Variants in ANKRD11 observed in about 807,000 individuals in gnomAD.
ANKRD11 encodes the protein ankyrin repeat domain 11.
A neutral mutation model predicts 195.7 loss-of-function variants in ANKRD11; 17 were observed. That is an observed-to-expected ratio of 0.09 (90% CI 0.06 to 0.13). ANKRD11 has a LOEUF of 0.13. ANKRD11 is among the 10% of genes least tolerant of loss of function. ANKRD11 has a pLI of 1.00. For missense variants in ANKRD11, 3,735 were observed against 3,566.1 expected, an observed-to-expected ratio of 1.05 and a Z score of -1.21; for synonymous variants, 1,953 against 1,528.1, an observed-to-expected ratio of 1.28 and a Z score of -6.49.
At chr16:89,471,898 CCCA>C (rs2057098254) in intron 1 of ANKRD11, among the ~76,000 whole-genome samples, 1 of 152,058 alleles carries the variant, frequency 6.6e-6, no homozygotes, top group Non-Finnish European at 1.5e-5. Context: ...TCCTTACTCC[CCCA>C]GTTACCAGGT....
chr16:89,436,447 C>G (rs1453830152), intron 1 of ANKRD11, among the ~76,000 whole-genome samples: 2 of 152,072 alleles, frequency 1.3e-5, no homozygotes, highest in East Asian at 1.9e-4. Context: ...TTTCTCCTGA[C>G]AGATGACATT....
intron 11 of ANKRD11, 65 bp downstream of exon 11, chr16:89,274,749 G>A: frequency 1.3e-6 from 2 of 1,597,736 alleles, no homozygotes. Flanking sequence ...ATCTATCAAG[G>A]GGAGGGGAGG....
In ANKRD11 at chr16:89,283,232, C is replaced by A; in HGVS notation, c.3310G>T (p.Asp1104Tyr). Residue 1104 changes from aspartate (D) to tyrosine (Y), a missense_variant, in exon 9 of 13, where the codon GAT (aspartate) becomes TAT (tyrosine). Asp to Tyr is a radical substitution (Grantham distance 160, BLOSUM62 -3). Coordinates refer to ENST00000301030, the MANE Select transcript of ANKRD11 (RefSeq NM_013275.6). The surrounding 1 kb of genome is among the most constrained non-coding windows in gnomAD (Gnocchi z 4.3). ...CTTTTCTCTTTGCCTTTCTTGTCAT[C>A]TTTTTTTTCAGAGAAGTCTTCTGAG... ...IISEDFSEKK[D>Y]DKKGKEKSWY... 2 of 1,613,936 alleles carry A rather than the reference C, an allele frequency of 1.2e-6. No individual in the cohort carries two copies. The highest frequency in any genetic ancestry group is 4.5e-5 in the East Asian group (2 of 44,874).
intron 3 of ANKRD11, among the ~76,000 whole-genome samples, chr16:89,316,464 T>G (rs1019668247): frequency 2.6e-5 from 4 of 152,174 alleles, no homozygotes; most frequent in African/African-American, 7.2e-5. Context: ...AGGCAGGAAG[T>G]CTGCACACCA....
chr16:89,427,922 T>A (rs1272513607), intron 1 of ANKRD11, among the ~76,000 whole-genome samples: 3 of 151,940 alleles, frequency 2.0e-5, no homozygotes, highest in Non-Finnish European at 4.4e-5. Flanking sequence ...GTTTGAAAGG[T>A]TTAAAATTCT....
At chr16:89,278,232 G>C (rs367644319) in intron 9 of ANKRD11, 54 of 344,190 alleles carry the variant, frequency 1.6e-4, no homozygotes, top group African/African-American at 1.1e-3. Context: ...CACAGCTCAG[G>C]CCGTCACCGA....
At chr16:89,362,015 T>C (rs1165119948) in intron 2 of ANKRD11, among the ~76,000 whole-genome samples, 3 of 152,186 alleles carry the variant, frequency 2.0e-5, no homozygotes, top group African/African-American at 4.8e-5. Flanking sequence ...CCTGAATTTA[T>C]GGGAGGGGGC....
At chr16:89,309,868 C>T (rs1057270851) in intron 3 of ANKRD11, among the ~76,000 whole-genome samples, 6 of 152,214 alleles carry the variant, frequency 3.9e-5, no homozygotes, top group South Asian at 2.1e-4. Flanking sequence ...CCCCAAGGAC[C>T]ACCAGATAGT....
At chr16:89,336,065 A>C (rs3102376) in intron 2 of ANKRD11, among the ~76,000 whole-genome samples, 73,294 of 152,186 alleles carry the variant, frequency 0.48, 17,841 homozygotes, top group Middle Eastern at 0.6. Context: ...TATTCCTGCC[A>C]GTTGGTTTGA....
chr16:89,343,819 T>C (rs1389035258), intron 2 of ANKRD11: 1 of 152,328 alleles, frequency 6.6e-6, no homozygotes, highest in African/African-American at 2.4e-5. Flanking sequence ...GCGTCGCCCA[T>C]GTCTGACACA....
At chr16:89,305,691 ACCTCCCACTCCGCAGACAC>A (rs2036161092) in intron 3 of ANKRD11, among the ~76,000 whole-genome samples, 1 of 120,148 alleles carries the variant, frequency 8.3e-6, no homozygotes, top group Non-Finnish European at 1.7e-5. Context: ...GACACGCGCC[ACCTCCCACTCCGCAGACAC>A]GCGCCACCTC....
At chr16:89,482,736 G>A (rs2057483390) in intron 1 of ANKRD11, among the ~76,000 whole-genome samples, 1 of 152,190 alleles carries the variant, frequency 6.6e-6, no homozygotes, top group African/African-American at 2.4e-5. Flanking sequence ...ACGCTGCAGT[G>A]AGCCTTGATT....
chr16:89,380,921 C>T (rs897784774), intron 2 of ANKRD11, among the ~76,000 whole-genome samples: 5 of 152,278 alleles, frequency 3.3e-5, no homozygotes, highest in African/African-American at 4.8e-5. Flanking sequence ...GGCAGGCAGA[C>T]GGAGCACGCA....
intron 1 of ANKRD11, among the ~76,000 whole-genome samples, chr16:89,481,638 A>G (rs2057448734): frequency 6.6e-6 from 1 of 152,202 alleles, no homozygotes; most frequent in African/African-American, 2.4e-5. Context: ...ACTCTGACAC[A>G]TCATCTTCTG....
chr16:89,334,375 C>CA (rs1365465307), intron 2 of ANKRD11, among the ~76,000 whole-genome samples: 8 of 152,012 alleles, frequency 5.3e-5, no homozygotes, highest in African/African-American at 1.7e-4. Context: ...ACAGAAACAA[C>CA]CTCCTCTCAG....
At chr16:89,354,214 C>CAT (rs1240466271) in intron 2 of ANKRD11, among the ~76,000 whole-genome samples, 3 of 135,288 alleles carry the variant, frequency 2.2e-5, no homozygotes, top group South Asian at 2.3e-4. Context: ...ACAAATTTTA[C>CAT]ATATATATAA....
chr16:89,282,124 T>C lies in ANKRD11; in HGVS notation c.4418A>G (p.Lys1473Arg), dbSNP rs748649276. ...EKHREKWRDE[K>R]ERHRDRHADG... ...CGCATGCCTGTCCCGGTGCCTCTCCTTCTCGTCTCTCCATTTCTCCCTGTG... is the reference window on the plus strand; with the variant it reads ...CGCATGCCTGTCCCGGTGCCTCTCCCTCTCGTCTCTCCATTTCTCCCTGTG... Residue 1473 changes from lysine (K) to arginine (R), a missense_variant, in exon 9 of 13, where the codon AAG becomes AGG. Coordinates refer to ENST00000301030, the MANE Select transcript of ANKRD11 (RefSeq NM_013275.6). The C allele has an allele frequency of 4.2e-5, 67 of 1,614,010 alleles. No individual in the cohort carries two copies. Among genetic ancestry groups the C allele is most frequent in the Non-Finnish European group, 5.5e-5 (65 of 1,180,014 alleles).
Position 89,283,505 on chromosome 16 carries a change from CCTT to C in ANKRD11, c.3034_3036del (p.Lys1012del), listed in dbSNP as rs761762028. ...TCCTTCCTTTCCTTATCGGGGCCAT[CCTT>C]CTTCTCCTTCTCTCGTGCTGGGTGG... On this transcript the variant is annotated inframe_deletion, in exon 9 of 13. Transcript: ENST00000301030. The surrounding 1 kb of genome is among the most constrained non-coding windows in gnomAD (Gnocchi z 4.3). 40 of 1,613,926 alleles carry C rather than the reference CCTT, an allele frequency of 2.5e-5. No individual in the cohort carries two copies. In the South Asian group the frequency reaches 2.5e-4, roughly 10 times the overall value.
chr16:89,482,148 A>T, intron 1 of ANKRD11, among the ~76,000 whole-genome samples: 1 of 152,036 alleles, frequency 6.6e-6, no homozygotes, highest in East Asian at 1.9e-4. Flanking sequence ...GAAAAAGCAG[A>T]GTTTGTCTAG....
Sources: allele counts gnomAD v4.1 joint callset (sites outside exome capture counted in the v4.1 genomes callset), GRCh38; gene constraint gnomAD v4.1.1; non-coding constraint Gnocchi (gnomAD v3.1); transcripts MANE v1.5; gene names NCBI Gene and HGNC (gene_info 2026-07-23, HGNC 2026-07-21).